ITFG2: variants seen among roughly 807,000 people sequenced by gnomAD.
The protein encoded by ITFG2 is KICSTOR complex protein ITFG2.
In ITFG2, 36 loss-of-function variants were observed where a neutral mutation model predicts 54.4. The ratio of observed to expected loss-of-function variants is 0.66; its 90% confidence interval spans 0.51 to 0.87. ITFG2 has a LOEUF of 0.87. Ranked by LOEUF, ITFG2 falls within the 40% of genes least tolerant of loss-of-function variation. The pLI is 0.00. For synonymous variants in ITFG2, 211 were observed against 225.4 expected, an observed-to-expected ratio of 0.94 and a Z score of 0.57; for missense variants, 524 against 576.7, an observed-to-expected ratio of 0.91 and a Z score of 0.94.
rs2098052200 is a variant in ITFG2 at position 2,845,919 on chromosome 12, C to A, written n.300+4924C>A. 6.6e-6 allele frequency among the ~76,000 whole-genome samples: 1 copy of A among 152,062 alleles called. No individual in the cohort carries two copies. The highest frequency in any genetic ancestry group is 2.4e-5 in the African/African-American group (1 of 41,410). ...GTCTCACTGTATTCCCCAGGCTGGT[C>A]TGAAACTCCTGGGCTCAAGCGATCC... On this transcript the variant is annotated intron_variant and non_coding_transcript_variant, in intron 2 of 3. Transcript: ENST00000537710. This position sits in a 1 kb window ranked among gnomAD's most constrained non-coding sequence, Gnocchi z 4.2.
intron 2 of ITFG2, chr12:2,854,862 G>T (rs571596046): frequency 1.3e-6 from 2 of 1,508,208 alleles, no homozygotes; most frequent in Non-Finnish European, 1.8e-6. Flanking sequence ...GGCAGGGCAG[G>T]CTGGGTGGGC....
chr12:2,827,420 C>T (rs2153925628), downstream of ITFG2: 2 of 1,521,650 alleles, frequency 1.3e-6, no homozygotes, highest in Non-Finnish European at 8.8e-7. This position sits in a 1 kb window ranked among gnomAD's most constrained non-coding sequence, Gnocchi z 4.0. Context: ...CTTCCCCCAT[C>T]CCCATTTCCC....
At chr12:2,855,326 G>C (rs1319952621) in intron 2 of ITFG2, 1 of 1,532,032 alleles carries the variant, frequency 6.5e-7, no homozygotes, top group Non-Finnish European at 8.7e-7. Flanking sequence ...GGCAGCTTCA[G>C]AGCCAGCTGG....
In ITFG2 at chr12:2,825,070, CA is replaced by C. The variant is rs2097959995; in HGVS notation, c.*878del. On this transcript the variant is annotated 3_prime_UTR_variant, in exon 12 of 12. Coordinates refer to ENST00000228799, the MANE Select transcript of ITFG2 (RefSeq NM_018463.4). ...TAGAATAAAGTAAAATAGAAAATAG[CA>C]GAGTACATTGCTCTCAGTGTAGGTA... 6.6e-6 allele frequency: 1 copy of C among 152,200 alleles called. No individual in the cohort carries two copies. Among genetic ancestry groups the C allele is most frequent in the Admixed American group, 6.5e-5 (1 of 15,280 alleles). The allele number at this position is 152,200 out of a possible 1,614,324, so 9.4% of individuals were successfully genotyped here. A position where few individuals can be genotyped will look rare whatever the true frequency, so the allele number is the denominator to read the frequency against.
downstream of ITFG2, among the ~76,000 whole-genome samples, chr12:2,831,436 T>C (rs1412939061): frequency 6.6e-6 from 1 of 151,972 alleles, no homozygotes; most frequent in Non-Finnish European, 1.5e-5. Context: ...ATACAAAAAT[T>C]AGCTAGATGT....
At chr12:2,849,511 G>A (rs749453272) in intron 2 of ITFG2, 1,218 of 1,536,128 alleles carry the variant, frequency 7.9e-4, no homozygotes, top group Middle Eastern at 2.5e-3. Flanking sequence ...CCCACCAGCG[G>A]ATATGTGCCG....
At chr12:2,833,502 G>A (rs927570482), upstream of ITFG2, among the ~76,000 whole-genome samples, 15 of 152,168 alleles carry the variant, frequency 9.9e-5, no homozygotes, top group Middle Eastern at 3.4e-3. Context: ...AGGGAAAGGC[G>A]AGGTGCTGCA....
At chr12:2,859,661 C>A in exon 4 of ITFG2, 2 of 1,601,730 alleles carry the variant, frequency 1.2e-6, no homozygotes, top group Non-Finnish European at 8.5e-7. Flanking sequence ...CAGCTAGCAG[C>A]ACCTGAAAGG....
intron 3 of ITFG2, chr12:2,858,406 T>G (rs1387886359): frequency 1.9e-6 from 1 of 513,040 alleles, no homozygotes; most frequent in African/African-American, 1.9e-5. Flanking sequence ...CCTTTGTTGT[T>G]CCCACCCTTC....
In ITFG2 at chr12:2,824,477, C is replaced by A; in HGVS notation, c.*284C>A. The A allele has an allele frequency of 2.3e-6, 1 of 438,436 alleles. No homozygotes were observed. Among genetic ancestry groups the A allele is most frequent in the Non-Finnish European group, 4.3e-6 (1 of 233,310 alleles). 27.2% of individuals were successfully genotyped at this position (438,436 alleles called of 1,614,324 possible). A position where few individuals can be genotyped will look rare whatever the true frequency, so the allele number is the denominator to read the frequency against. On this transcript the variant is annotated 3_prime_UTR_variant, in exon 12 of 12. Coordinates refer to ENST00000228799, the MANE Select transcript of ITFG2 (RefSeq NM_018463.4). ...TGGCCTTGTTCCAAATCATCTGGGA[C>A]ATGACCCACTCCCCACTGTCACTGT... is the stretch of plus-strand genomic sequence containing the variant.
At chr12:2,849,067 CCTGGGGTACAGAGGTGGCTTGAGG>C in intron 2 of ITFG2, 1 of 664,994 alleles carries the variant, frequency 1.5e-6, no homozygotes, top group Non-Finnish European at 2.5e-6. Context: ...TCTCCAATAG[CCTGGGGTACAGAGGTGGCTTGAGG>C]CTGGGAGGAT....
In ITFG2 at chr12:2,822,779, T is replaced by C; in HGVS notation, c.949-15T>C. The C allele has an allele frequency of 2.5e-6, 4 of 1,606,680 alleles. No individual in the cohort carries two copies. Among genetic ancestry groups the C allele is most frequent in the Non-Finnish European group, 3.4e-6 (4 of 1,173,290 alleles). ...ACAGCTCCTTTATGTTCCTTTTGTC[T>C]CTGTCCTTTTTCAGGGCAACGGGCA... On this transcript the variant is annotated splice_polypyrimidine_tract_variant and intron_variant, in intron 9 of 11. Coordinates refer to ENST00000228799, the MANE Select transcript of ITFG2 (RefSeq NM_018463.4).
chr12:2,844,241 G>C (rs2098048160), intron 2 of ITFG2, among the ~76,000 whole-genome samples: 1 of 152,010 alleles, frequency 6.6e-6, no homozygotes, highest in Non-Finnish European at 1.5e-5. Context: ...GTGGGTGAGA[G>C]TGAGACCCTG....
chr12:2,829,353 A>C (rs181631752), downstream of ITFG2, among the ~76,000 whole-genome samples: 4 of 152,388 alleles, frequency 2.6e-5, no homozygotes, highest in East Asian at 7.7e-4. Context: ...CATTCCAAAC[A>C]TTCATTGAGT....
chr12:2,852,905 A>T (rs989025816), intron 2 of ITFG2, among the ~76,000 whole-genome samples: 1 of 151,748 alleles, frequency 6.6e-6, no homozygotes. Context: ...AGGCTGAGGC[A>T]GGGAGAATGG....
intron 2 of ITFG2, among the ~76,000 whole-genome samples, chr12:2,853,424 C>CA (rs1174981341): frequency 2.6e-5 from 4 of 152,128 alleles, no homozygotes; most frequent in Non-Finnish European, 4.4e-5. Context: ...AGGCGCCTGC[C>CA]ACCACGCCCA....
At chr12:2,821,215 T>C in intron 6 of ITFG2, 47 bp from the exon 7 acceptor site, 1 of 1,450,356 alleles carries the variant, frequency 6.9e-7, no homozygotes, top group Non-Finnish European at 9.5e-7. Context: ...GCTGGAGAGC[T>C]CAGCTCACTT....
chr12:2,840,781 G>A (rs1046116063), intron 1 of ITFG2: 6 of 152,290 alleles, frequency 3.9e-5, no homozygotes, highest in Middle Eastern at 3.4e-3. Flanking sequence ...GCAAGACTCC[G>A]TCTCAAAATA....
rs752334262 is a variant in ITFG2 at position 2,821,256 on chromosome 12, G to A, written c.696-6G>A. On this transcript the variant is annotated splice_polypyrimidine_tract_variant and splice_region_variant and intron_variant, in intron 6 of 11. Coordinates refer to ENST00000228799, the MANE Select transcript of ITFG2 (RefSeq NM_018463.4). ...CCCGCTTGATCCGTCCACCTGCTGTGCACAGGGAGACCCCAGCTGCCCGAG... is the reference window on the plus strand; with the variant it reads ...CCCGCTTGATCCGTCCACCTGCTGTACACAGGGAGACCCCAGCTGCCCGAG... 9 of 1,601,060 alleles carry A rather than the reference G, an allele frequency of 5.6e-6. No individual in the cohort carries two copies. Among genetic ancestry groups the A allele is most frequent in the Non-Finnish European group, 7.7e-6 (9 of 1,173,018 alleles).
Sources: gnomAD v4.1 joint callset for allele counts (sites outside exome capture counted in the v4.1 genomes callset) on GRCh38, gnomAD v4.1.1 for gene constraint, Gnocchi (gnomAD v3.1) non-coding constraint, MANE v1.5 for transcripts, NCBI Gene and HGNC (gene_info 2026-07-23, HGNC 2026-07-21) for gene names.